The following NUBPL variants were observed in gnomAD, a reference collection of about 807,000 sequenced individuals.
NUBPL encodes iron-sulfur cluster transfer protein NUBPL.
In NUBPL, 31 loss-of-function variants were observed where a neutral mutation model predicts 45.7. The observed-to-expected ratio is 0.68, with a 90% CI of 0.51 to 0.92. NUBPL has a LOEUF of 0.92. Among genes scored for constraint, NUBPL ranks in the 40% least tolerant of loss-of-function variants. The pLI, the probability that NUBPL is intolerant of heterozygous loss-of-function variation, is 0.00. For missense variants in NUBPL, 401 were observed against 398.7 expected (o/e 1.01, Z -0.05); for synonymous variants, 144 against 140.9 (o/e 1.02, Z -0.15).
At chr14:31,629,106 A>G (rs977815093) in intron 4 of NUBPL, among the ~76,000 whole-genome samples, 19 of 152,334 alleles carry the variant, frequency 1.2e-4, no homozygotes, top group Middle Eastern at 3.4e-3. Context: ...CTCTTGGATC[A>G]TCTGAAAGAT....
chr14:31,780,643 A>C (rs189787962), intron 6 of NUBPL, among the ~76,000 whole-genome samples: 26 of 152,322 alleles, frequency 1.7e-4, no homozygotes, highest in African/African-American at 6.3e-4. Flanking sequence ...AACTTCAAGT[A>C]GTTTTGTTTT....
chr14:31,675,180 G>T (rs2036665183), intron 6 of NUBPL, among the ~76,000 whole-genome samples: 2 of 152,040 alleles, frequency 1.3e-5, no homozygotes, highest in Admixed American at 6.6e-5. Context: ...AAGTATGGTG[G>T]ATACATTTTC....
intron 6 of NUBPL, among the ~76,000 whole-genome samples, chr14:31,705,674 C>G (rs1244397721): frequency 6.6e-6 from 1 of 152,142 alleles, no homozygotes; most frequent in African/African-American, 2.4e-5. Flanking sequence ...ATTTACAAAC[C>G]TCTAGCTAGA....
At chr14:31,614,517 CAT>C (rs560880150) in intron 4 of NUBPL, among the ~76,000 whole-genome samples, 106 of 152,136 alleles carry the variant, frequency 7.0e-4, no homozygotes, top group African/African-American at 2.3e-3. Flanking sequence ...TTAAGTAGAA[CAT>C]ATTTTTAATT....
intron 7 of NUBPL, among the ~76,000 whole-genome samples, chr14:31,789,566 T>C (rs572576507): frequency 6.6e-6 from 1 of 152,264 alleles, no homozygotes; most frequent in African/African-American, 2.4e-5. Context: ...AAGATTTTCC[T>C]AGATTCCACT....
At chr14:31,834,497 A>G (rs1408873754) in intron 8 of NUBPL, among the ~76,000 whole-genome samples, 2 of 152,088 alleles carry the variant, frequency 1.3e-5, no homozygotes, top group Non-Finnish European at 1.5e-5. Context: ...ACTTTTTAGT[A>G]TTTATTTGTA....
At chr14:31,806,847 CA>C (rs1555339812) in intron 7 of NUBPL, among the ~76,000 whole-genome samples, 1 of 152,188 alleles carries the variant, frequency 6.6e-6, no homozygotes, top group Non-Finnish European at 1.5e-5. Context: ...GTTCAATTCC[CA>C]CCTATCAGTG....
At chr14:31,654,454 G>A (rs568514578) in intron 4 of NUBPL, among the ~76,000 whole-genome samples, 13 of 151,068 alleles carry the variant, frequency 8.6e-5, no homozygotes, top group African/African-American at 2.9e-4. Context: ...TGTTGCCCAG[G>A]CTGGAGTGCA....
intron 3 of NUBPL, among the ~76,000 whole-genome samples, chr14:31,583,714 G>C (rs1229780385): frequency 4.6e-5 from 7 of 152,150 alleles, no homozygotes; most frequent in Admixed American, 4.6e-4. Context: ...TGTTAGAGTG[G>C]ATACTGGAGA....
intron 6 of NUBPL, among the ~76,000 whole-genome samples, chr14:31,772,790 C>T (rs556003362): frequency 1.3e-5 from 2 of 152,226 alleles, no homozygotes; most frequent in African/African-American, 4.8e-5. Context: ...CTTCTTTTAT[C>T]TCTTAAAATT....
At chr14:31,663,654 G>C (rs919972981) in intron 4 of NUBPL, among the ~76,000 whole-genome samples, 2 of 152,182 alleles carry the variant, frequency 1.3e-5, no homozygotes, top group African/African-American at 4.8e-5. Context: ...TTGTAGTATA[G>C]TTTGAAGTCA....
chr14:31,571,702 G>C (rs1388797071), intron 3 of NUBPL, among the ~76,000 whole-genome samples: 1 of 152,030 alleles, frequency 6.6e-6, no homozygotes, highest in East Asian at 1.9e-4. Context: ...TGCCCACCTC[G>C]GCCTCCCAAA....
intron 7 of NUBPL, among the ~76,000 whole-genome samples, chr14:31,790,742 T>C (rs539730261): frequency 6.6e-5 from 10 of 152,148 alleles, no homozygotes; most frequent in South Asian, 6.2e-4. Flanking sequence ...TCCCAGCTAC[T>C]TGGGAGGCTG....
chr14:31,808,957 G>A (rs112780707), intron 7 of NUBPL, among the ~76,000 whole-genome samples: 9,596 of 152,284 alleles, frequency 0.063, 410 homozygotes, highest in Non-Finnish European at 0.091. Context: ...TTGTATCCCA[G>A]GGATGAATCC....
intron 4 of NUBPL, among the ~76,000 whole-genome samples, chr14:31,600,520 CTG>C (rs2034403985): frequency 6.6e-6 from 1 of 152,204 alleles, no homozygotes; most frequent in South Asian, 2.1e-4. Flanking sequence ...TTACACAAGA[CTG>C]TGGTCGTGGC....
chr14:31,798,303 G>GTTTTTTT (rs71115031), intron 7 of NUBPL, among the ~76,000 whole-genome samples: 10 of 107,284 alleles, frequency 9.3e-5, no homozygotes, highest in Non-Finnish European at 1.6e-4. Context: ...TTTATTTATG[G>GTTTTTTT]TTTTTTTTTT....
chr14:31,644,623 C>G (rs973863604), intron 4 of NUBPL, among the ~76,000 whole-genome samples: 2 of 152,060 alleles, frequency 1.3e-5, no homozygotes, highest in Middle Eastern at 6.8e-3. Flanking sequence ...AGTGTATGTT[C>G]TACAGTTGTT....
intron 8 of NUBPL, among the ~76,000 whole-genome samples, chr14:31,830,089 C>A (rs2040165879): frequency 6.6e-6 from 1 of 152,058 alleles, no homozygotes; most frequent in African/African-American, 2.4e-5. Context: ...ACTATATACC[C>A]CTTCCTTCTT....
At chr14:31,726,918 G>T (rs2037938674) in intron 6 of NUBPL, among the ~76,000 whole-genome samples, 5 of 152,076 alleles carry the variant, frequency 3.3e-5, no homozygotes, top group Admixed American at 3.3e-4. Flanking sequence ...GATTTTAGCA[G>T]CATCTCTGGC....
Sources: allele counts gnomAD v4.1 joint callset (sites outside exome capture counted in the v4.1 genomes callset), GRCh38; gene constraint gnomAD v4.1.1; transcripts MANE v1.5; gene names NCBI Gene and HGNC (gene_info 2026-07-23, HGNC 2026-07-21).